Variants in TBCD observed in about 807,000 individuals in gnomAD.
TBCD encodes the protein tubulin folding cofactor D, also known as tubulin-specific chaperone D.
TBCD carries 105 observed loss-of-function variants against 169.3 expected under a neutral mutation model. That is an observed-to-expected ratio of 0.62 (90% CI 0.53 to 0.73). TBCD has a LOEUF of 0.73. TBCD is among the 30% of genes least tolerant of loss of function. The pLI is 0.00. For synonymous variants in TBCD, 700 were observed against 643.9 expected (o/e 1.09, Z -1.32); for missense variants, 1,444 against 1,600.1 (o/e 0.90, Z 1.66).
At chr17:82,900,293 G>C (rs1191182119) in intron 17 of TBCD, among the ~76,000 whole-genome samples, 1 of 152,180 alleles carries the variant, frequency 6.6e-6, no homozygotes. Context: ...AAAGCTGTGT[G>C]CACTCATTTT....
chr17:82,932,532 G>T, intron 33 of TBCD, 126 bp from the exon 34 acceptor site: 2 of 767,640 alleles, frequency 2.6e-6, no homozygotes, highest in Non-Finnish European at 4.5e-6. Flanking sequence ...GAAGCTTTGC[G>T]TTTCCACGTA....
chr17:82,766,498 T>A (rs952368277), intron 4 of TBCD, 130 bp downstream of exon 4: 1 of 542,834 alleles, frequency 1.8e-6, no homozygotes, highest in Non-Finnish European at 3.2e-6. Context: ...GTGTCACTCC[T>A]CTTTTCTTTC....
chr17:82,860,307 G>T, intron 13 of TBCD: 6 of 945,806 alleles, frequency 6.3e-6, no homozygotes, highest in Non-Finnish European at 7.6e-6. Context: ...TGGCGGTCAC[G>T]CTGCGCTGAG....
chr17:82,859,442 C>G (rs1362805913), intron 13 of TBCD, among the ~76,000 whole-genome samples: 1 of 143,222 alleles, frequency 7.0e-6, no homozygotes, highest in African/African-American at 2.5e-5. Flanking sequence ...GAAAGAGAGT[C>G]TCGTGGGTCG....
At chr17:82,855,993 C>CTTTTTTTTTTTT (rs60978063) in intron 13 of TBCD, among the ~76,000 whole-genome samples, 17 of 66,276 alleles carry the variant, frequency 2.6e-4, no homozygotes, top group East Asian at 5.4e-4. Context: ...TCCCCCCCCA[C>CTTTTTTTTTTTT]TTTTTTTTTT....
chr17:82,783,326 A>G (rs1240248157), intron 7 of TBCD, among the ~76,000 whole-genome samples: 1 of 152,208 alleles, frequency 6.6e-6, no homozygotes, highest in African/African-American at 2.4e-5. Flanking sequence ...GCGTCCCCTC[A>G]ACCTCCACAT....
At chr17:82,862,724 T>C (rs2056869421) in intron 13 of TBCD, among the ~76,000 whole-genome samples, 1 of 152,228 alleles carries the variant, frequency 6.6e-6, no homozygotes, top group East Asian at 1.9e-4. Context: ...AGGGACTGTC[T>C]TCTGCCGTGA....
In TBCD at chr17:82,926,382, T is replaced by C. The variant is rs1040471401; in HGVS notation, c.2380-18T>C. 2 of 1,612,332 alleles carry C rather than the reference T, an allele frequency of 1.2e-6. No homozygotes were observed. Among genetic ancestry groups the C allele is most frequent in the Non-Finnish European group, 1.7e-6 (2 of 1,178,424 alleles). ...GTTATAGCTTATGGTTCTTCTGTGA[T>C]TCTTTATTGCTTTCCAGGTTCTCAC... On this transcript the variant is annotated intron_variant, in intron 27 of 38. Transcript: ENST00000355528.
chr17:82,831,836 A>G lies in TBCD; in HGVS notation c.1318+16902A>G. On this transcript the variant is annotated intron_variant, in intron 13 of 38. Coordinates refer to ENST00000355528, the MANE Select transcript of TBCD (RefSeq NM_005993.5). This position sits in a 1 kb window ranked among gnomAD's most constrained non-coding sequence, Gnocchi z 4.6. ...GGAAGGAAAGGTGAGCCGGCTTTCC[A>G]GGGGTAGCCAGGAGTGTGGAAGGCC... 3.7e-6 allele frequency: 6 copies of G among 1,614,182 alleles called. No individual in the cohort carries two copies. Among genetic ancestry groups the G allele is most frequent in the Non-Finnish European group, 5.1e-6 (6 of 1,180,034 alleles).
chr17:82,858,007 G>C (rs2056460957), intron 13 of TBCD, among the ~76,000 whole-genome samples: 1 of 152,034 alleles, frequency 6.6e-6, no homozygotes. Context: ...TGACCTCCCA[G>C]GCTCAAGCGA....
intron 30 of TBCD, among the ~76,000 whole-genome samples, chr17:82,928,354 C>T (rs748906610): frequency 1.2e-4 from 19 of 152,226 alleles, no homozygotes; most frequent in Non-Finnish European, 7.4e-5. Context: ...CTGCTCCTGC[C>T]AGGACCAGCT....
rs1401708050 is a variant in TBCD, at chr17:82,752,143, A to C, written c.-51A>C. 2.1e-6 allele frequency: 3 copies of C among 1,459,624 alleles called. No individual in the cohort carries two copies. The highest frequency in any genetic ancestry group is 1.5e-5 in the African/African-American group (1 of 67,246). The allele number at this position is 1,459,624 out of a possible 1,614,324, so 90.4% of individuals were successfully genotyped here. A position where few individuals can be genotyped will look rare whatever the true frequency, so the allele number is the denominator to read the frequency against. ...ATCCCTGGCTTTCGCGCTCTAGCGGAGTGGGATCTGCGAACACGTGAGGCG... is the reference window on the plus strand; with the variant it reads ...ATCCCTGGCTTTCGCGCTCTAGCGGCGTGGGATCTGCGAACACGTGAGGCG... On this transcript the variant is annotated 5_prime_UTR_variant, in exon 1 of 39. Coordinates refer to ENST00000355528, the MANE Select transcript of TBCD (RefSeq NM_005993.5).
chr17:82,757,716 G>A (rs1341776945), intron 2 of TBCD, among the ~76,000 whole-genome samples: 1 of 152,122 alleles, frequency 6.6e-6, no homozygotes, highest in Non-Finnish European at 1.5e-5. Context: ...AAATTTATAG[G>A]CCTTGTGAAG....
intron 13 of TBCD, among the ~76,000 whole-genome samples, chr17:82,843,327 C>A (rs191281990): frequency 6.9e-6 from 1 of 145,196 alleles, no homozygotes; most frequent in Non-Finnish European, 1.5e-5. Flanking sequence ...CCTCCCCTCC[C>A]CTCCCCGTCC....
intron 14 of TBCD, among the ~76,000 whole-genome samples, chr17:82,877,667 A>C (rs2058065692): frequency 6.6e-6 from 1 of 152,220 alleles, no homozygotes; most frequent in South Asian, 2.1e-4. Flanking sequence ...AGTTATTAGA[A>C]GATCACATTC....
In TBCD at chr17:82,923,834, A is replaced by T; in HGVS notation, c.2260+101A>T. 2.1e-6 allele frequency: 2 copies of T among 933,444 alleles called. No individual in the cohort carries two copies. The highest frequency in any genetic ancestry group is 1.7e-5 in the South Asian group (1 of 60,384). 57.8% of individuals were successfully genotyped at this position (933,444 alleles called of 1,614,324 possible). ...GGAGGCCTCGGTTGTGCAGTGGAGC[A>T]GAGCCACCACGATCATGGCTGGAGT... is the stretch of plus-strand genomic sequence containing the variant. On this transcript the variant is annotated intron_variant, in intron 26 of 38. Coordinates refer to ENST00000355528, the MANE Select transcript of TBCD (RefSeq NM_005993.5). The surrounding 1 kb of genome is among the most constrained non-coding windows in gnomAD (Gnocchi z 4.6).
rs1567999844 is a variant in TBCD at position 82,903,431 on chromosome 17, C to T, written c.1757C>T (p.Ala586Val). 4 of 1,604,348 alleles carry T rather than the reference C, an allele frequency of 2.5e-6. No individual in the cohort carries two copies. Among genetic ancestry groups the T allele is most frequent in the Non-Finnish European group, 1.7e-6 (2 of 1,175,508 alleles). Reference protein sequence around the residue: ...DGVIRELAARALHNLAQQAPE... With the variant: ...DGVIRELAARVLHNLAQQAPE... Reference sequence around the variant, plus strand: ...GTCATCCGAGAGTTGGCTGCGAGGGCGCTGCACAACCTGGCCCAGCAGGCA... The same window carrying T: ...GTCATCCGAGAGTTGGCTGCGAGGGTGCTGCACAACCTGGCCCAGCAGGCA... Residue 586 changes from alanine (A) to valine (V), a missense_variant, in exon 19 of 39, where the codon GCG (alanine) becomes GTG (valine). Ala to Val is a moderately conservative substitution (Grantham distance 64). Transcript: ENST00000355528. The surrounding 1 kb of genome is among the most constrained non-coding windows in gnomAD (Gnocchi z 4.8).
chr17:82,853,756 A>AT (rs2056016405), intron 13 of TBCD, among the ~76,000 whole-genome samples: 1 of 151,898 alleles, frequency 6.6e-6, no homozygotes, highest in Non-Finnish European at 1.5e-5. Context: ...CTGTCTTTTA[A>AT]TTTTTTTATA....
In TBCD at chr17:82,752,298, G is replaced by C. The variant is rs1343661192; in HGVS notation, c.105G>C (p.Glu35Asp). Residue 35 changes from glutamate to aspartate, a missense_variant, in exon 1 of 39, where the codon GAG becomes GAC. Glu to Asp is a conservative substitution (Grantham distance 45, BLOSUM62 2). Coordinates refer to ENST00000355528, the MANE Select transcript of TBCD (RefSeq NM_005993.5). ...TGGAAGCGTTCGGCGAGAGCGCGGAGACCCGGGCGCTGCTGGGCCGCCTGC... is the reference window on the plus strand; with the variant it reads ...TGGAAGCGTTCGGCGAGAGCGCGGACACCCGGGCGCTGCTGGGCCGCCTGC... ...AALEAFGESA[E>D]TRALLGRLRE... 1 of 1,509,582 alleles carries C rather than the reference G, an allele frequency of 6.6e-7. No individual in the cohort carries two copies. The highest frequency in any genetic ancestry group is 1.4e-5 in the African/African-American group (1 of 69,058). The allele number at this position is 1,509,582 out of a possible 1,614,324, so 93.5% of individuals were successfully genotyped here. A position where few individuals can be genotyped will look rare whatever the true frequency, so the allele number is the denominator to read the frequency against.
Sources: gnomAD v4.1 joint callset for allele counts (sites outside exome capture counted in the v4.1 genomes callset) on GRCh38, gnomAD v4.1.1 for gene constraint, Gnocchi (gnomAD v3.1) non-coding constraint, MANE v1.5 for transcripts, NCBI Gene and HGNC (gene_info 2026-07-23, HGNC 2026-07-21) for gene names.